The following PDE4D variants were observed in gnomAD, a reference collection of about 807,000 sequenced individuals.
PDE4D encodes phosphodiesterase 4D.
PDE4D carries 24 observed loss-of-function variants against 87.4 expected under a neutral mutation model. The ratio of observed to expected loss-of-function variants is 0.27; its 90% confidence interval spans 0.20 to 0.39. PDE4D has a LOEUF of 0.39. PDE4D is among the 10% of genes least tolerant of loss of function. The pLI, the probability that PDE4D is intolerant of heterozygous loss-of-function variation, is 1.00. For missense variants in PDE4D, 714 were observed against 1,041.0 expected, an observed-to-expected ratio of 0.69 and a Z score of 4.32; for synonymous variants, 384 against 383.2, an observed-to-expected ratio of 1.00 and a Z score of -0.02.
intron 1 of PDE4D, among the ~76,000 whole-genome samples, chr5:59,535,590 T>C (rs2153681706): frequency 6.6e-6 from 1 of 152,330 alleles, no homozygotes; most frequent in African/African-American, 2.4e-5. Flanking sequence ...GTGTTTCAAC[T>C]TTTTCCTACA....
chr5:58,993,439 G>A lies in PDE4D; in HGVS notation c.948C>T (p.Leu316=). 6.3e-7 allele frequency: 1 copy of A among 1,599,636 alleles called. No homozygotes were observed. Among genetic ancestry groups the A allele is most frequent in the Non-Finnish European group, 8.5e-7 (1 of 1,173,922 alleles). The change falls in exon 7 of 15, where the codon CTC becomes CTT. Residue 316 remains leucine (L), a synonymous_variant. Transcript: ENST00000340635. ...ACCGACTCATTTCAGAGAGATGGGTGAGCTCCCGATTAAGCATCCTTTTAA... is the reference window on the plus strand; with the variant it reads ...ACCGACTCATTTCAGAGAGATGGGTAAGCTCCCGATTAAGCATCCTTTTAA... ...NKFKRMLNRE[L]THLSEMSRSG... is the part of the protein sequence containing the mutation.
chr5:59,509,115 G>C (rs1424835093), intron 1 of PDE4D, among the ~76,000 whole-genome samples: 1 of 151,828 alleles, frequency 6.6e-6, no homozygotes, highest in Non-Finnish European at 1.5e-5. Flanking sequence ...CTCAACTTCT[G>C]GATTCATTAG....
At chr5:59,442,247 T>C (rs956126745) in intron 1 of PDE4D, among the ~76,000 whole-genome samples, 6 of 152,220 alleles carry the variant, frequency 3.9e-5, no homozygotes, top group African/African-American at 1.2e-4. Context: ...CTTTGTAATA[T>C]AGAAAACCAA....
chr5:59,073,799 C>A (rs1765261368), intron 5 of PDE4D, among the ~76,000 whole-genome samples: 1 of 152,118 alleles, frequency 6.6e-6, no homozygotes, highest in East Asian at 1.9e-4. Flanking sequence ...AGAAAGAAAT[C>A]TGTTAAGGAA....
chr5:60,099,119 A>G (rs897278533), intron 2 of PDE4D, among the ~76,000 whole-genome samples: 2 of 151,950 alleles, frequency 1.3e-5, no homozygotes, highest in Non-Finnish European at 2.9e-5. Context: ...CTCCAAATAC[A>G]TCATTCCACT....
At chr5:60,309,234 G>A (rs1167144115) in intron 1 of PDE4D, among the ~76,000 whole-genome samples, 2 of 152,068 alleles carry the variant, frequency 1.3e-5, no homozygotes, top group African/African-American at 4.8e-5. Flanking sequence ...ACATGAGGGA[G>A]GAGGGGGAGG....
At chr5:60,293,013 C>T (rs1486538773) in intron 1 of PDE4D, among the ~76,000 whole-genome samples, 1 of 147,712 alleles carries the variant, frequency 6.8e-6, no homozygotes. Context: ...GTAAATTCCC[C>T]CCTTTTTTTT....
chr5:60,422,356 C>T (rs1561235920), intron 1 of PDE4D, among the ~76,000 whole-genome samples: 1 of 152,168 alleles, frequency 6.6e-6, no homozygotes, highest in Non-Finnish European at 1.5e-5. Context: ...TCAGCAGAAA[C>T]CTTATAAGAC....
intron 1 of PDE4D, among the ~76,000 whole-genome samples, chr5:59,413,481 A>T (rs1258781461): frequency 7.0e-6 from 1 of 142,422 alleles, no homozygotes; most frequent in Non-Finnish European, 1.5e-5. Context: ...AAAAAAAAAA[A>T]GAAATGCCAT....
At chr5:59,609,399 CAT>C (rs1554041713) in intron 1 of PDE4D, among the ~76,000 whole-genome samples, 55 of 151,244 alleles carry the variant, frequency 3.6e-4, no homozygotes, top group East Asian at 2.9e-3. Flanking sequence ...CACACACACA[CAT>C]ATATATATGT....
At chr5:59,490,542 T>G (rs1805990163) in intron 1 of PDE4D, among the ~76,000 whole-genome samples, 1 of 152,182 alleles carries the variant, frequency 6.6e-6, no homozygotes, top group African/African-American at 2.4e-5. Context: ...TTAAAAATAA[T>G]CCATGCAGGT....
intron 1 of PDE4D, among the ~76,000 whole-genome samples, chr5:59,823,154 C>T (rs1256436857): frequency 6.6e-6 from 1 of 152,164 alleles, no homozygotes; most frequent in African/African-American, 2.4e-5. Flanking sequence ...CTTCTCAACT[C>T]AGGTCCTAGG....
At chr5:59,004,213 T>C (rs1469058275) in intron 6 of PDE4D, among the ~76,000 whole-genome samples, 2 of 152,006 alleles carry the variant, frequency 1.3e-5, no homozygotes, top group African/African-American at 4.8e-5. Context: ...CTACAAAATA[T>C]AAATACTTGT....
At chr5:59,865,447 T>C (rs2152731858) in intron 1 of PDE4D, among the ~76,000 whole-genome samples, 1 of 152,292 alleles carries the variant, frequency 6.6e-6, no homozygotes, top group African/African-American at 2.4e-5. Context: ...CCCCTTAGGT[T>C]TCTTCTGGTG....
intron 3 of PDE4D, among the ~76,000 whole-genome samples, chr5:59,969,841 C>T (rs183525290): frequency 6.6e-6 from 1 of 152,236 alleles, no homozygotes; most frequent in Admixed American, 6.5e-5. Flanking sequence ...CCCAGCCATG[C>T]TGAACTGTGA....
rs150196091 is a variant in PDE4D, at chr5:59,136,079, T to C, written c.808+44516A>G. Among the ~76,000 whole-genome samples, 860 of 151,168 alleles carry C rather than the reference T, an allele frequency of 5.7e-3. 7 individuals are homozygous for C. The highest frequency in any genetic ancestry group is 0.02 in the African/African-American group (826 of 41,366). On this transcript the variant is annotated intron_variant, in intron 5 of 14. Coordinates refer to ENST00000340635, the MANE Select transcript of PDE4D (RefSeq NM_001104631.2). The stretch of plus-strand genomic sequence containing the variant: ...AAATTTTTTGAAAAGTTTACACAAA[T>C]GAGGAGAGTTCATTTTCTTAATATA...
chr5:59,995,417 C>T lies in PDE4D; in HGVS notation c.43-6700G>A, dbSNP rs937780086. 5.4e-4 allele frequency among the ~76,000 whole-genome samples: 81 copies of T among 150,842 alleles called. 2 individuals are homozygous for T. Among genetic ancestry groups the T allele is most frequent in the Admixed American group, 4.8e-3 (73 of 15,086 alleles). On this transcript the variant is annotated intron_variant, in intron 2 of 16. Coordinates refer to the PDE4D transcript ENST00000502484. Reference sequence around the variant, plus strand: ...CACTGCAACCCTCGCCTTCCAAGTTCAAGTGATTCTTCTGCCTCAGCCTCC... The same window carrying T: ...CACTGCAACCCTCGCCTTCCAAGTTTAAGTGATTCTTCTGCCTCAGCCTCC...
At chr5:59,910,248 T>C (rs2152769423) in intron 3 of PDE4D, among the ~76,000 whole-genome samples, 1 of 152,324 alleles carries the variant, frequency 6.6e-6, no homozygotes, top group East Asian at 1.9e-4. Flanking sequence ...GTAAGAACAT[T>C]TTTTGTATTC....
intron 1 of PDE4D, among the ~76,000 whole-genome samples, chr5:59,835,739 GGCCAA>G: frequency 6.6e-6 from 1 of 152,020 alleles, no homozygotes; most frequent in South Asian, 2.1e-4. Flanking sequence ...CTTACAGAAA[GGCCAA>G]GTGTGATTAT....
Sources: allele counts gnomAD v4.1 joint callset (sites outside exome capture counted in the v4.1 genomes callset), GRCh38; gene constraint gnomAD v4.1.1; transcripts MANE v1.5; gene names NCBI Gene and HGNC (gene_info 2026-07-23, HGNC 2026-07-21).